Variants in TMPRSS15 observed in about 807,000 individuals in gnomAD.
The protein encoded by TMPRSS15 is enteropeptidase.
TMPRSS15 carries 128 observed loss-of-function variants against 125.3 expected under a neutral mutation model. The observed-to-expected ratio is 1.02, with a 90% CI of 0.89 to 1.18. TMPRSS15 has a LOEUF of 1.18. TMPRSS15 is among the 50% of genes most tolerant of loss of function. The pLI, the probability that TMPRSS15 is intolerant of heterozygous loss-of-function variation, is 0.00. For synonymous variants in TMPRSS15, 446 were observed against 423.2 expected (o/e 1.05, Z -0.66); for missense variants, 1,283 against 1,212.7 (o/e 1.06, Z -0.86).
intron 1 of TMPRSS15, among the ~76,000 whole-genome samples, chr21:18,475,022 C>CA: frequency 6.6e-6 from 1 of 152,278 alleles, no homozygotes; most frequent in African/African-American, 2.4e-5. Context: ...AGAGTGCCCC[C>CA]ACTTCAGTAT....
chr21:18,383,874 TATC>T (rs2123059536), intron 3 of TMPRSS15, 96 bp from the exon 4 acceptor site: 1 of 1,406,908 alleles, frequency 7.1e-7, no homozygotes, highest in South Asian at 1.2e-5. Context: ...TCTCTATAGT[TATC>T]ATCTTGCTAA....
Position 18,390,853 on chromosome 21 carries a change from T to C in TMPRSS15, c.344+7026A>G, listed in dbSNP as rs993423316. On this transcript the variant is annotated intron_variant, in intron 3 of 24. Transcript: ENST00000284885. ...TAATTTATAAAATAAAGAAGTTTAA[T>C]TGGCTTACAGTTCCACATGGCTGGG... is the stretch of plus-strand genomic sequence containing the variant. 2.6e-5 allele frequency among the ~76,000 whole-genome samples: 4 copies of C among 152,214 alleles called. No homozygotes were observed. In the East Asian group the frequency reaches 7.7e-4, roughly 29 times the overall value.
chr21:18,467,593 T>A (rs985250433), intron 1 of TMPRSS15, among the ~76,000 whole-genome samples: 7 of 151,930 alleles, frequency 4.6e-5, no homozygotes, highest in African/African-American at 1.7e-4. Context: ...TTTAAAAAAT[T>A]GTCTGACTTG....
intron 10 of TMPRSS15, among the ~76,000 whole-genome samples, chr21:18,349,719 C>T (rs561197058): frequency 6.6e-6 from 1 of 152,220 alleles, no homozygotes; most frequent in East Asian, 1.9e-4. Context: ...CATTATATGA[C>T]TTGTCTAATT....
chr21:18,453,994 A>G (rs145099421), intron 1 of TMPRSS15, among the ~76,000 whole-genome samples: 48 of 152,344 alleles, frequency 3.2e-4, no homozygotes, highest in African/African-American at 8.9e-4. Flanking sequence ...GGCTAAGGGT[A>G]ACAAGCAAAT....
intron 16 of TMPRSS15, among the ~76,000 whole-genome samples, chr21:18,318,353 A>G (rs938619720): frequency 2.6e-5 from 4 of 152,238 alleles, no homozygotes; most frequent in African/African-American, 9.6e-5. Flanking sequence ...CTGTTTCACA[A>G]CAGAGCTGGC....
At chr21:18,412,553 A>C (rs2076168682) in intron 1 of TMPRSS15, among the ~76,000 whole-genome samples, 1 of 152,218 alleles carries the variant, frequency 6.6e-6, no homozygotes, top group African/African-American at 2.4e-5. Context: ...CTATCCAAAT[A>C]AATTCATTGG....
intron 1 of TMPRSS15, among the ~76,000 whole-genome samples, chr21:18,457,619 T>C (rs1978468216): frequency 6.6e-6 from 1 of 152,088 alleles, no homozygotes; most frequent in African/African-American, 2.4e-5. Context: ...GAGTTTAAAA[T>C]CCTGTAGCAA....
chr21:18,461,419 G>A (rs1445609268), intron 1 of TMPRSS15, among the ~76,000 whole-genome samples: 1 of 151,942 alleles, frequency 6.6e-6, no homozygotes, highest in Non-Finnish European at 1.5e-5. Context: ...TTGGCTTTCT[G>A]TGTGGTGAGC....
At chr21:18,297,026 T>C (rs1311626112) in intron 19 of TMPRSS15, among the ~76,000 whole-genome samples, 1 of 152,228 alleles carries the variant, frequency 6.6e-6, no homozygotes, top group East Asian at 1.9e-4. Flanking sequence ...TTATGGCTTC[T>C]TGCAGTTACA....
chr21:18,437,314 A>C (rs1279790801), intron 1 of TMPRSS15, among the ~76,000 whole-genome samples: 1 of 149,434 alleles, frequency 6.7e-6, no homozygotes, highest in Non-Finnish European at 1.5e-5. Flanking sequence ...CATCTTATAC[A>C]AAAATTAATT....
intron 1 of TMPRSS15, among the ~76,000 whole-genome samples, chr21:18,419,220 CTT>C (rs540004490): frequency 0.15 from 16,338 of 107,210 alleles, 472 homozygotes; most frequent in East Asian, 0.36. Flanking sequence ...GACATTTCCT[CTT>C]TTTTTTTTTT....
At chr21:18,437,442 A>T (rs1241339131) in intron 1 of TMPRSS15, among the ~76,000 whole-genome samples, 2 of 152,174 alleles carry the variant, frequency 1.3e-5, no homozygotes, top group Non-Finnish European at 2.9e-5. Flanking sequence ...AAAACACAAA[A>T]AGCAATGGTA....
At chr21:18,345,084 G>C (rs1217953824) in intron 10 of TMPRSS15, among the ~76,000 whole-genome samples, 4 of 152,200 alleles carry the variant, frequency 2.6e-5, no homozygotes, top group African/African-American at 9.7e-5. Context: ...TGCATATTTA[G>C]ACCAGTGAGG....
chr21:18,411,526 A>G (rs1234157924), intron 1 of TMPRSS15, among the ~76,000 whole-genome samples: 1 of 152,186 alleles, frequency 6.6e-6, no homozygotes, highest in Non-Finnish European at 1.5e-5. Context: ...ATATTCACCT[A>G]AAAATCACCT....
At chr21:18,402,041 T>G (rs2076099412) in intron 1 of TMPRSS15, among the ~76,000 whole-genome samples, 1 of 152,166 alleles carries the variant, frequency 6.6e-6, no homozygotes, top group Non-Finnish European at 1.5e-5. Context: ...TTTGTATAAT[T>G]TTATAAAATA....
intron 16 of TMPRSS15, among the ~76,000 whole-genome samples, chr21:18,321,487 G>T (rs1255675222): frequency 6.6e-6 from 1 of 151,244 alleles, no homozygotes; most frequent in African/African-American, 2.4e-5. Flanking sequence ...CCAGTAGCTG[G>T]GACTACAGGT....
chr21:18,404,231 T>TA (rs2076128951), upstream of TMPRSS15, among the ~76,000 whole-genome samples: 1 of 152,240 alleles, frequency 6.6e-6, no homozygotes, highest in Non-Finnish European at 1.5e-5. Context: ...CAAACTTTGT[T>TA]ATGTCACCCA....
At chr21:18,383,175 C>T (rs1310774744) in intron 4 of TMPRSS15, among the ~76,000 whole-genome samples, 1 of 151,308 alleles carries the variant, frequency 6.6e-6, no homozygotes, top group Non-Finnish European at 1.5e-5. Flanking sequence ...CTGTGCATGC[C>T]AACACTCTCA....
Sources: allele counts gnomAD v4.1 joint callset (sites outside exome capture counted in the v4.1 genomes callset), GRCh38; gene constraint gnomAD v4.1.1; transcripts MANE v1.5; gene names NCBI Gene and HGNC (gene_info 2026-07-23, HGNC 2026-07-21).